The following TCF7L1 variants were observed in gnomAD, a reference collection of about 807,000 sequenced individuals.
TCF7L1 encodes the protein transcription factor 7 like 1.
TCF7L1 carries 18 observed loss-of-function variants against 63.7 expected under a neutral mutation model. The ratio of observed to expected loss-of-function variants is 0.28; its 90% confidence interval spans 0.20 to 0.42. TCF7L1 has a LOEUF of 0.42. Among genes scored for constraint, TCF7L1 ranks in the 10% least tolerant of loss-of-function variants. TCF7L1 has a pLI of 1.00. For missense variants in TCF7L1, 654 were observed against 779.3 expected (o/e 0.84, Z 1.91); for synonymous variants, 355 against 340.9 (o/e 1.04, Z -0.46).
At chr2:85,179,093 T>C (rs1678742310) in intron 3 of TCF7L1, among the ~76,000 whole-genome samples, 1 of 152,212 alleles carries the variant, frequency 6.6e-6, no homozygotes, top group African/African-American at 2.4e-5. Flanking sequence ...GGCCACTGGC[T>C]TCTGCAGGCG....
At chr2:85,176,485 T>C (rs1678679806) in intron 3 of TCF7L1, among the ~76,000 whole-genome samples, 1 of 152,230 alleles carries the variant, frequency 6.6e-6, no homozygotes, top group Admixed American at 6.5e-5. Context: ...TCCATTCCAC[T>C]GTCTGGAGTC....
chr2:85,218,705 T>A (rs1318112148), intron 3 of TCF7L1, among the ~76,000 whole-genome samples: 1 of 151,942 alleles, frequency 6.6e-6, no homozygotes, highest in African/African-American at 2.4e-5. Flanking sequence ...CTAGGAGAGG[T>A]CCTTGGATAT....
rs925692319 is a variant in TCF7L1, at chr2:85,307,576, G to A, written c.1258-66G>A. ...CAACGTCCTGTCTTCTCTCTGATCT[G>A]GGAGCCCCTGAGAAGCCAGCATTCT... On this transcript the variant is annotated intron_variant, in intron 10 of 11. Coordinates refer to ENST00000282111, the MANE Select transcript of TCF7L1 (RefSeq NM_031283.3). 1.1e-4 allele frequency: 146 copies of A among 1,374,746 alleles called. 2 individuals are homozygous for A. The South Asian group carries it at 1.5e-3, about 14-fold the overall frequency. The allele number at this position is 1,374,746 out of a possible 1,614,324, so 85.2% of individuals were successfully genotyped here.
intron 3 of TCF7L1, among the ~76,000 whole-genome samples, chr2:85,172,953 G>A (rs530445362): frequency 9.2e-5 from 14 of 152,296 alleles, no homozygotes; most frequent in South Asian, 2.1e-4. Context: ...CCACAGCAGC[G>A]CCACAAGGGC....
At chr2:85,187,989 G>A (rs1451138812) in intron 3 of TCF7L1, among the ~76,000 whole-genome samples, 1 of 152,128 alleles carries the variant, frequency 6.6e-6, no homozygotes, top group African/African-American at 2.4e-5. Flanking sequence ...AACAATATAG[G>A]CGAGCCTCAA....
chr2:85,270,127 G>C (rs1681114959), intron 3 of TCF7L1, among the ~76,000 whole-genome samples: 1 of 152,208 alleles, frequency 6.6e-6, no homozygotes, highest in Admixed American at 6.5e-5. Flanking sequence ...GCTCCAGGCT[G>C]CCTGGCTGTT....
chr2:85,271,300 A>T (rs1247361698), intron 3 of TCF7L1, among the ~76,000 whole-genome samples: 4 of 152,056 alleles, frequency 2.6e-5, no homozygotes, highest in African/African-American at 9.7e-5. Context: ...TTTAGTAGAG[A>T]CGTGGTTTTG....
intron 3 of TCF7L1, among the ~76,000 whole-genome samples, chr2:85,202,044 C>A (rs964121562): frequency 6.6e-6 from 1 of 152,070 alleles, no homozygotes; most frequent in Non-Finnish European, 1.5e-5. Flanking sequence ...CTCACTGTAA[C>A]CTCCACCTTG....
rs552840077 is a variant in TCF7L1, at chr2:85,258,419, G to A, written c.442-25076G>A. 2.6e-5 allele frequency among the ~76,000 whole-genome samples: 4 copies of A among 152,294 alleles called. No individual in the cohort carries two copies. The East Asian group carries it at 7.7e-4, about 29-fold the overall frequency. On this transcript the variant is annotated intron_variant, in intron 3 of 11. Coordinates refer to ENST00000282111, the MANE Select transcript of TCF7L1 (RefSeq NM_031283.3). The stretch of plus-strand genomic sequence containing the variant: ...GTGTGCACACCTATAGGTTGAGATA[G>A]GGGGCTCGCGTTTGCCTGGGGCTGA...
At chr2:85,198,593 G>C (rs1167874511) in intron 3 of TCF7L1, among the ~76,000 whole-genome samples, 1 of 152,202 alleles carries the variant, frequency 6.6e-6, no homozygotes, top group Non-Finnish European at 1.5e-5. Context: ...AGAATGAATG[G>C]GGAGCCTAAT....
rs554466354 is a variant in TCF7L1, at chr2:85,165,797, C to T, written c.441+31347C>T. 2.6e-4 allele frequency among the ~76,000 whole-genome samples: 40 copies of T among 152,236 alleles called. No individual in the cohort carries two copies. In the Middle Eastern group the frequency reaches 0.014, roughly 52 times the overall value. ...GGTTGCAAAAATAGGACATAAGATT[C>T]GGGAGAACTTCCTCCAGCTTCCCCA... On this transcript the variant is annotated intron_variant, in intron 3 of 11. Coordinates refer to ENST00000282111, the MANE Select transcript of TCF7L1 (RefSeq NM_031283.3).
At chr2:85,178,629 T>G (rs904334329) in intron 3 of TCF7L1, among the ~76,000 whole-genome samples, 7 of 152,190 alleles carry the variant, frequency 4.6e-5, no homozygotes, top group Admixed American at 6.5e-5. Flanking sequence ...GAGCACTTAC[T>G]AGATGGTTAT....
At chr2:85,161,203 A>G (rs780897492) in intron 3 of TCF7L1, among the ~76,000 whole-genome samples, 2 of 152,358 alleles carry the variant, frequency 1.3e-5, no homozygotes, top group South Asian at 4.1e-4. Context: ...AGTCTCCAGG[A>G]TAACTTGCAG....
chr2:85,307,358 G>A (rs1682139558), intron 10 of TCF7L1, among the ~76,000 whole-genome samples: 1 of 152,210 alleles, frequency 6.6e-6, no homozygotes, highest in African/African-American at 2.4e-5. Context: ...CTGTTCTAGG[G>A]AGAGAAACAG....
At chr2:85,171,924 C>G (rs1399990891) in intron 3 of TCF7L1, among the ~76,000 whole-genome samples, 2 of 152,162 alleles carry the variant, frequency 1.3e-5, no homozygotes, top group Non-Finnish European at 2.9e-5. Flanking sequence ...CCATCTTCCC[C>G]CCTCCCCCCA....
chr2:85,226,939 C>T (rs1161913722), intron 3 of TCF7L1, among the ~76,000 whole-genome samples: 2 of 151,744 alleles, frequency 1.3e-5, no homozygotes, highest in Admixed American at 6.6e-5. Context: ...TCTAAGACAG[C>T]GAGAACAGTC....
intron 3 of TCF7L1, chr2:85,213,743 C>G (rs1339694503): frequency 6.6e-6 from 1 of 152,184 alleles, no homozygotes; most frequent in East Asian, 1.9e-4. Flanking sequence ...GAGGGAAGGC[C>G]AAGAAAAGAA....
chr2:85,180,234 GT>G (rs533753747), intron 3 of TCF7L1, among the ~76,000 whole-genome samples: 36 of 139,328 alleles, frequency 2.6e-4, no homozygotes, highest in Middle Eastern at 3.5e-3. Flanking sequence ...TTTTGTTTTT[GT>G]TTTTTTTTTT....
At chr2:85,302,019 T>A (rs2104386914) in intron 4 of TCF7L1, among the ~76,000 whole-genome samples, 1 of 151,778 alleles carries the variant, frequency 6.6e-6, no homozygotes, top group Admixed American at 6.6e-5. Flanking sequence ...TCCCAGCTAC[T>A]CCAGAGGCTG....
Sources: allele counts gnomAD v4.1 joint callset (sites outside exome capture counted in the v4.1 genomes callset), GRCh38; gene constraint gnomAD v4.1.1; transcripts MANE v1.5; gene names NCBI Gene and HGNC (gene_info 2026-07-23, HGNC 2026-07-21).